Variants in SYNPO2 observed in about 807,000 individuals in gnomAD.
SYNPO2 encodes the protein synaptopodin-2.
Under a neutral mutation model 85.0 loss-of-function variants are expected in SYNPO2, and 56 were observed. The observed-to-expected ratio is 0.66, with a 90% CI of 0.53 to 0.82. The LOEUF is 0.82. Ranked by LOEUF, SYNPO2 falls within the 40% of genes least tolerant of loss-of-function variation. The pLI is 0.00. For synonymous variants in SYNPO2, 602 were observed against 591.1 expected, an observed-to-expected ratio of 1.02 and a Z score of -0.27; for missense variants, 1,575 against 1,534.2, an observed-to-expected ratio of 1.03 and a Z score of -0.44.
At position 119,027,338 on chromosome 4, in the gene SYNPO2, G is replaced by A; in HGVS notation, c.969G>A (p.Leu323=). The part of the protein sequence containing the change: ...EGGQSEAPPS[L]VSFAVSSEGT... ...GGCAGTCAGAAGCACCTCCTTCTCTGGTATCCTTTGCCGTCTCATCAGAAG... is the reference window on the plus strand; with the variant it reads ...GGCAGTCAGAAGCACCTCCTTCTCTAGTATCCTTTGCCGTCTCATCAGAAG... The change falls in exon 3 of 5, where the codon CTG becomes CTA. Residue 323 remains leucine, a synonymous_variant. Transcript: ENST00000307142. The A allele has an allele frequency of 6.2e-7, 1 of 1,614,046 alleles. No homozygotes were observed. The highest frequency in any genetic ancestry group is 8.5e-7 in the Non-Finnish European group (1 of 1,180,030).
At chr4:119,005,659 C>T (rs1462347001) in intron 1 of SYNPO2, among the ~76,000 whole-genome samples, 6 of 151,496 alleles carry the variant, frequency 4.0e-5, no homozygotes, top group African/African-American at 4.8e-5. Flanking sequence ...AGTCAGATAG[C>T]GTGATGCCTC....
chr4:118,879,329 T>C (rs371638591), intron 1 of SYNPO2, among the ~76,000 whole-genome samples: 41 of 152,352 alleles, frequency 2.7e-4, no homozygotes, highest in African/African-American at 7.5e-4. Flanking sequence ...CCCTAGGCTC[T>C]GGGGAACTGA....
At chr4:119,054,338 C>A (rs1047950690) in intron 4 of SYNPO2, among the ~76,000 whole-genome samples, 1 of 152,086 alleles carries the variant, frequency 6.6e-6, no homozygotes, top group Non-Finnish European at 1.5e-5. Context: ...GCCCTTCATC[C>A]GTGAGGGCAA....
chr4:118,975,978 G>T (rs780673687), intron 1 of SYNPO2, among the ~76,000 whole-genome samples: 1 of 152,142 alleles, frequency 6.6e-6, no homozygotes, highest in Non-Finnish European at 1.5e-5. Flanking sequence ...TAAAAGTGCC[G>T]GCTATGGAGA....
intron 1 of SYNPO2, among the ~76,000 whole-genome samples, chr4:118,921,779 G>GCACACACA (rs149219584): frequency 0.015 from 2,285 of 148,496 alleles, 25 homozygotes; most frequent in Non-Finnish European, 0.021. Flanking sequence ...CTTTTCATAT[G>GCACACACA]CACACACACA....
chr4:118,900,701 C>CTATATATATATATATATA (rs1194269230), intron 1 of SYNPO2, among the ~76,000 whole-genome samples: 5 of 27,182 alleles, frequency 1.8e-4, no homozygotes, highest in Non-Finnish European at 4.6e-4. Context: ...CTCTCTCTCT[C>CTATATATATATATATATA]TCTATATATA....
chr4:118,953,551 C>T (rs886560602), intron 1 of SYNPO2, among the ~76,000 whole-genome samples: 2 of 151,304 alleles, frequency 1.3e-5, no homozygotes, highest in African/African-American at 2.4e-5. Context: ...TCAACTTCAG[C>T]CAAGAAAAGG....
chr4:118,933,403 C>T (rs960699695), intron 1 of SYNPO2, among the ~76,000 whole-genome samples: 18 of 152,160 alleles, frequency 1.2e-4, no homozygotes, highest in Non-Finnish European at 1.5e-5. Context: ...TGGCCAGATG[C>T]CCTGAGGACT....
chr4:118,984,454 G>C (rs1405726068), intron 1 of SYNPO2, among the ~76,000 whole-genome samples: 1 of 151,986 alleles, frequency 6.6e-6, no homozygotes, highest in Non-Finnish European at 1.5e-5. Context: ...TCATCATATC[G>C]TTCAAAGCCC....
chr4:119,034,108 G>T (rs1738397372), intron 4 of SYNPO2: 1 of 985,408 alleles, frequency 1.0e-6, no homozygotes, highest in Non-Finnish European at 1.2e-6. Flanking sequence ...TAACACAGTT[G>T]TTTGTATTAC....
intron 1 of SYNPO2, among the ~76,000 whole-genome samples, chr4:118,932,908 G>A (rs1307616096): frequency 6.6e-6 from 1 of 152,030 alleles, no homozygotes. Flanking sequence ...CCCATGAATA[G>A]CAATGCTGCG....
chr4:119,028,805 A>C (rs17329882), intron 3 of SYNPO2, among the ~76,000 whole-genome samples: 27,050 of 151,938 alleles, frequency 0.18, 2,852 homozygotes, highest in Middle Eastern at 0.31. Context: ...AACTGTTTTG[A>C]GGAATTAAAA....
intron 4 of SYNPO2, among the ~76,000 whole-genome samples, chr4:119,047,826 A>G (rs1485110258): frequency 6.6e-6 from 1 of 152,028 alleles, no homozygotes; most frequent in Non-Finnish European, 1.5e-5. Flanking sequence ...GCTGGGAGGG[A>G]CTCTAGGAGA....
At chr4:118,870,740 G>C (rs528743452) in intron 1 of SYNPO2, among the ~76,000 whole-genome samples, 3 of 152,242 alleles carry the variant, frequency 2.0e-5, no homozygotes, top group East Asian at 1.9e-4. Context: ...CTGGCTGTAG[G>C]GGGTATGGGG....
intron 1 of SYNPO2, among the ~76,000 whole-genome samples, chr4:118,879,324 G>C (rs141296644): frequency 3.7e-4 from 57 of 152,290 alleles, no homozygotes; most frequent in African/African-American, 1.3e-3. Flanking sequence ...CTTTTCCCTA[G>C]GCTCTGGGGA....
In SYNPO2 at chr4:119,057,527, A is replaced by G; in HGVS notation, c.3379A>G (p.Lys1127Glu). ...KPTDGLEKAN[K>E]RPTPWEAAAK... ...AACCGATGGACTAGAGAAAGCAAAC[A>G]AGAGACCAACTCCTTGGGAAGCAGC... The change falls in exon 5 of 5, where the codon AAG becomes GAG. Residue 1127 changes from lysine to glutamate, a missense_variant. By Grantham distance (56) the Lys-to-Glu change is moderately conservative. Coordinates refer to ENST00000307142, the MANE Select transcript of SYNPO2 (RefSeq NM_133477.3). The G allele has an allele frequency of 6.2e-7, 1 of 1,614,114 alleles. No homozygotes were observed. The highest frequency in any genetic ancestry group is 8.5e-7 in the Non-Finnish European group (1 of 1,180,032).
At chr4:119,049,913 T>C (rs1357829994) in intron 4 of SYNPO2, among the ~76,000 whole-genome samples, 2 of 152,210 alleles carry the variant, frequency 1.3e-5, no homozygotes, top group Admixed American at 6.5e-5. Context: ...CCTGTTCTTG[T>C]GACAAATGCC....
chr4:118,928,126 C>T (rs957675092), intron 1 of SYNPO2, among the ~76,000 whole-genome samples: 24 of 152,176 alleles, frequency 1.6e-4, no homozygotes, highest in Admixed American at 5.2e-4. Context: ...CCTGCCTGGC[C>T]TGCTGCCATT....
chr4:118,888,890 G>GGGCAGCGGCTGC lies in SYNPO2; in HGVS notation c.-146_-135dup, dbSNP rs1471997194. The GGGCAGCGGCTGC allele has an allele frequency of 3.0e-5, 24 of 795,588 alleles. No individual in the cohort carries two copies. The highest frequency in any genetic ancestry group is 6.3e-5 in the South Asian group (4 of 63,898). The allele number at this position is 795,588 out of a possible 1,614,324, so 49.3% of individuals were successfully genotyped here. On this transcript the variant is annotated 5_prime_UTR_variant, in exon 1 of 5. Transcript: ENST00000307142. The stretch of plus-strand genomic sequence containing the variant: ...CAGCAGGCGGCTGGGGCGGCGGCTG[G>GGGCAGCGGCTGC]GGCAGCGGCTGCAGCAGCGGCGGAC...
Sources: allele counts gnomAD v4.1 joint callset (sites outside exome capture counted in the v4.1 genomes callset), GRCh38; gene constraint gnomAD v4.1.1; transcripts MANE v1.5; gene names NCBI Gene and HGNC (gene_info 2026-07-23, HGNC 2026-07-21).